Variants in KLRG1 observed in about 807,000 individuals in gnomAD.
KLRG1 encodes the protein killer cell lectin like receptor G1.
Under a neutral mutation model 21.8 loss-of-function variants are expected in KLRG1, and 16 were observed. The observed-to-expected ratio is 0.73, with a 90% CI of 0.50 to 1.11. KLRG1 has a LOEUF of 1.11. KLRG1 is among the 50% of genes most tolerant of loss of function. The probability of loss-of-function intolerance (pLI) is 0.00; values close to 1 mark genes in which losing one functional copy is unlikely to be tolerated. For missense variants in KLRG1, 173 were observed against 218.3 expected (o/e 0.79, Z 1.31); for synonymous variants, 69 against 75.9 (o/e 0.91, Z 0.47).
At chr12:9,208,774 A>C in the KLRG1 span, among the ~76,000 whole-genome samples, 1 of 152,170 alleles carries the variant, frequency 6.6e-6, no homozygotes, top group Non-Finnish European at 1.5e-5. Context: ...AGTTATAACT[A>C]TAGACTTTAG....
At chr12:9,171,999 A>G in the KLRG1 span, among the ~76,000 whole-genome samples, 2 of 152,198 alleles carry the variant, frequency 1.3e-5, no homozygotes, top group Non-Finnish European at 2.9e-5. Context: ...GAAGGCCAGT[A>G]AGATACTCCA....
At chr12:9,119,913 A>C in the KLRG1 span, among the ~76,000 whole-genome samples, 2 of 152,212 alleles carry the variant, frequency 1.3e-5, no homozygotes, top group South Asian at 2.1e-4. Context: ...AGAAAAAATA[A>C]CTGGACCAGT....
At chr12:9,007,148 C>T (rs146142753) in intron 3 of KLRG1, among the ~76,000 whole-genome samples, 1 of 152,178 alleles carries the variant, frequency 6.6e-6, no homozygotes, top group Non-Finnish European at 1.5e-5. Context: ...AGGACTGAAA[C>T]CCAGTGAAGA....
chr12:9,198,015 T>C, the KLRG1 span, among the ~76,000 whole-genome samples: 1 of 131,888 alleles, frequency 7.6e-6, no homozygotes, highest in African/African-American at 2.8e-5. Context: ...GAGAATGTGG[T>C]GGTACAGTGC....
the KLRG1 span, among the ~76,000 whole-genome samples, chr12:9,016,614 ATATTT>A: frequency 6.6e-6 from 1 of 152,060 alleles, no homozygotes; most frequent in African/African-American, 2.4e-5. Context: ...TCAAATTATT[ATATTT>A]TATTTTATTT....
the KLRG1 span, among the ~76,000 whole-genome samples, chr12:9,184,409 C>T: frequency 6.6e-6 from 1 of 152,244 alleles, no homozygotes; most frequent in African/African-American, 2.4e-5. Context: ...GCCCCACCCC[C>T]ATGCTAACAC....
the KLRG1 span, among the ~76,000 whole-genome samples, chr12:9,183,018 T>C: frequency 2.6e-5 from 4 of 152,168 alleles, no homozygotes; most frequent in Admixed American, 1.3e-4. Flanking sequence ...AGACAATACA[T>C]AGGATAACAG....
At chr12:9,114,724 C>T in the KLRG1 span, among the ~76,000 whole-genome samples, 2 of 102,304 alleles carry the variant, frequency 2.0e-5, no homozygotes, top group East Asian at 3.9e-4. Context: ...TATATGAATA[C>T]ATATACATAA....
chr12:9,062,512 AAT>A, the KLRG1 span, among the ~76,000 whole-genome samples: 2 of 147,188 alleles, frequency 1.4e-5, no homozygotes. Context: ...CACCTGACAC[AAT>A]AGATGGATAA....
the KLRG1 span, chr12:9,068,133 G>C: frequency 1.3e-6 from 2 of 1,592,846 alleles, no homozygotes; most frequent in Middle Eastern, 3.4e-4. Flanking sequence ...GGTTTGGGGG[G>C]CAAGCTGAAG....
At chr12:9,113,103 T>C in the KLRG1 span, among the ~76,000 whole-genome samples, 2 of 52,642 alleles carry the variant, frequency 3.8e-5, no homozygotes, top group Non-Finnish European at 8.9e-5. Context: ...AAGTCACATT[T>C]TCTTTTTTTT....
At chr12:9,109,734 G>T in the KLRG1 span, 1 of 840,742 alleles carries the variant, frequency 1.2e-6, no homozygotes, top group Non-Finnish European at 1.8e-6. Context: ...ATTGGACTTA[G>T]GTGTAATTAA....
chr12:9,176,166 A>C, the KLRG1 span, among the ~76,000 whole-genome samples: 2 of 152,336 alleles, frequency 1.3e-5, no homozygotes, highest in Middle Eastern at 3.4e-3. Flanking sequence ...AGAGACATGG[A>C]TAGAGCTGAA....
At chr12:9,072,324 T>C in the KLRG1 span, 2 of 1,607,588 alleles carry the variant, frequency 1.2e-6, no homozygotes, top group Non-Finnish European at 1.7e-6. Context: ...TGGTGGTTAT[T>C]CTTAGGATTA....
At chr12:9,152,356 A>G in the KLRG1 span, 1 of 1,430,616 alleles carries the variant, frequency 7.0e-7, no homozygotes, top group Non-Finnish European at 9.9e-7. Flanking sequence ...TACGTGAAAG[A>G]AAGCCAAATT....
At chr12:9,179,303 C>T in the KLRG1 span, among the ~76,000 whole-genome samples, 4 of 152,006 alleles carry the variant, frequency 2.6e-5, no homozygotes, top group Non-Finnish European at 5.9e-5. Flanking sequence ...CACCTATATC[C>T]TTTTTTATTG....
chr12:9,158,443 A>C, the KLRG1 span: 4 of 1,614,158 alleles, frequency 2.5e-6, no homozygotes, highest in Non-Finnish European at 3.4e-6. Context: ...TTGAGCAGTG[A>C]CCCAGAGCTC....
the KLRG1 span, chr12:9,058,481 A>G: frequency 6.6e-6 from 1 of 152,166 alleles, no homozygotes; most frequent in African/African-American, 2.4e-5. Context: ...TTTAATATAA[A>G]CATATAAATA....
At chr12:9,128,230 G>A in the KLRG1 span, 4 of 187,492 alleles carry the variant, frequency 2.1e-5, no homozygotes, top group Admixed American at 5.2e-5. Context: ...CCAAGATCCC[G>A]GGCAACACGT....
Sources: allele counts gnomAD v4.1 joint callset (sites outside exome capture counted in the v4.1 genomes callset), GRCh38; gene constraint gnomAD v4.1.1; transcripts MANE v1.5; gene names NCBI Gene and HGNC (gene_info 2026-07-23, HGNC 2026-07-21).